Variants in NMBR observed in about 807,000 individuals in gnomAD.
The protein encoded by NMBR is neuromedin-B receptor.
Under a neutral mutation model 20.5 loss-of-function variants are expected in NMBR, and 16 were observed. The observed-to-expected ratio is 0.78, with a 90% CI of 0.53 to 1.19. The LOEUF is 1.19. NMBR is among the 50% of genes most tolerant of loss of function. NMBR has a pLI of 0.00. For synonymous variants in NMBR, 212 were observed against 196.6 expected, an observed-to-expected ratio of 1.08 and a Z score of -0.65; for missense variants, 582 against 499.1, an observed-to-expected ratio of 1.17 and a Z score of -1.58.
At chr6:142,140,151 G>T (rs1191868640) in intron 1 of NMBR, among the ~76,000 whole-genome samples, 1 of 151,696 alleles carries the variant, frequency 6.6e-6, no homozygotes, top group Non-Finnish European at 1.5e-5. Flanking sequence ...ATTAAACAAA[G>T]ATAAACAAAA....
At chr6:142,078,168 C>T (rs1255627461) in intron 3 of NMBR, among the ~76,000 whole-genome samples, 2 of 152,180 alleles carry the variant, frequency 1.3e-5, no homozygotes, top group Non-Finnish European at 2.9e-5. Flanking sequence ...TTCTTCTAGA[C>T]TCCCTGCCAT....
At chr6:142,093,461 G>T (rs1276464909) in intron 1 of NMBR, among the ~76,000 whole-genome samples, 5 of 151,514 alleles carry the variant, frequency 3.3e-5, no homozygotes, top group African/African-American at 9.7e-5. Flanking sequence ...CTTCATCCAT[G>T]TCCCTACAAA....
At chr6:142,080,398 C>T (rs1293397103) in intron 2 of NMBR, among the ~76,000 whole-genome samples, 2 of 149,996 alleles carry the variant, frequency 1.3e-5, no homozygotes, top group African/African-American at 4.9e-5. Flanking sequence ...GCAATCTCCA[C>T]CTCCCAGGTT....
intron 1 of NMBR, chr6:142,133,849 G>T (rs540729574): frequency 1.1e-4 from 77 of 674,974 alleles, no homozygotes; most frequent in African/African-American, 1.1e-3. Context: ...AACCATAACA[G>T]GTTAAACCTC....
chr6:142,095,686 T>C lies in NMBR; in HGVS notation c.-663-6365A>G, dbSNP rs191292324. Reference sequence around the variant, plus strand: ...CCTCATAAAATGAGTTAGGGAGGATTCCCTCTTTTTCTATTGATTGGAATA... The same window carrying C: ...CCTCATAAAATGAGTTAGGGAGGATCCCCTCTTTTTCTATTGATTGGAATA... On this transcript the variant is annotated intron_variant, in intron 1 of 3. Coordinates refer to ENST00000258042, the MANE Select transcript of NMBR (RefSeq NM_002511.4). 8.6e-3 allele frequency among the ~76,000 whole-genome samples: 1,312 copies of C among 152,326 alleles called. 51 individuals are homozygous for C. The highest frequency in any genetic ancestry group is 0.064 in the Admixed American group (973 of 15,296).
intron 1 of NMBR, among the ~76,000 whole-genome samples, chr6:142,118,003 G>A (rs1777881873): frequency 6.6e-6 from 1 of 151,864 alleles, no homozygotes; most frequent in South Asian, 2.1e-4. Flanking sequence ...TTCTGAGTTT[G>A]ACTCTTGTTA....
chr6:142,112,087 G>C (rs888424336), intron 1 of NMBR, among the ~76,000 whole-genome samples: 3 of 152,162 alleles, frequency 2.0e-5, no homozygotes, highest in African/African-American at 4.8e-5. Context: ...CCAACATTTT[G>C]GGAGGCTGTC....
rs1395622817 is a variant in NMBR, at chr6:142,088,287, G to A, written c.372C>T (p.Leu124=). The A allele has an allele frequency of 3.1e-6, 5 of 1,613,770 alleles. No individual in the cohort carries two copies. The Admixed American group carries it at 5.0e-5, about 16-fold the overall frequency. The change falls in exon 2 of 4, where the codon CTC becomes CTT. Residue 124 remains leucine, a synonymous_variant. Coordinates refer to ENST00000258042, the MANE Select transcript of NMBR (RefSeq NM_002511.4). ...VGCKLIPVIQ[L]TSVGVSVFTL... is the part of the protein sequence containing the mutation. Reference sequence around the variant, plus strand: ...TGAACACGGAAACCCCCACGGAAGTGAGCTGGATGACAGGGATCAGTTTGC... The same window carrying A: ...TGAACACGGAAACCCCCACGGAAGTAAGCTGGATGACAGGGATCAGTTTGC...
chr6:142,091,779 T>C (rs554644645), intron 1 of NMBR, among the ~76,000 whole-genome samples: 18 of 152,342 alleles, frequency 1.2e-4, no homozygotes, highest in African/African-American at 4.3e-4. Context: ...GTGATTTCTA[T>C]ATAAATGAAG....
chr6:142,115,093 A>G (rs75889286), intron 1 of NMBR, among the ~76,000 whole-genome samples: 7,873 of 152,180 alleles, frequency 0.052, 274 homozygotes, highest in Admixed American at 0.079. Flanking sequence ...GTGTGCCTTC[A>G]GGACTTTCTG....
intron 1 of NMBR, among the ~76,000 whole-genome samples, chr6:142,100,385 T>C (rs371354928): frequency 2.0e-5 from 3 of 152,164 alleles, no homozygotes; most frequent in South Asian, 4.2e-4. Context: ...CTAAGAAAAA[T>C]GAGATATCCA....
chr6:142,081,673 A>G (rs1289266123), intron 2 of NMBR, among the ~76,000 whole-genome samples: 1 of 152,238 alleles, frequency 6.6e-6, no homozygotes, highest in Non-Finnish European at 1.5e-5. Flanking sequence ...GAAAGGATAA[A>G]AAGCAAAAAA....
intron 1 of NMBR, among the ~76,000 whole-genome samples, chr6:142,125,964 T>C (rs553046147): frequency 6.6e-6 from 1 of 151,826 alleles, no homozygotes; most frequent in South Asian, 2.1e-4. Context: ...TGTTAAACTA[T>C]AGTCACATTG....
intron 2 of NMBR, among the ~76,000 whole-genome samples, chr6:142,079,126 G>GAAAGAAAGAAAGAAAGAAAAGA (rs11451074): frequency 9.7e-6 from 1 of 103,278 alleles, no homozygotes; most frequent in African/African-American, 4.5e-5. Context: ...AAGAAAGAAA[G>GAAAGAAAGAAAGAAAGAAAAGA]AAGAAAGAAA....
At chr6:142,086,738 A>T (rs1368476763) in intron 2 of NMBR, among the ~76,000 whole-genome samples, 2 of 152,190 alleles carry the variant, frequency 1.3e-5, no homozygotes, top group Non-Finnish European at 2.9e-5. Flanking sequence ...GATCTAGGCC[A>T]GGGCAAATTT....
chr6:142,086,603 G>A (rs1777205667), intron 2 of NMBR, among the ~76,000 whole-genome samples: 1 of 152,050 alleles, frequency 6.6e-6, no homozygotes, highest in Admixed American at 6.6e-5. Context: ...TACGGACCAA[G>A]TAGAAGAGGC....
At chr6:142,146,765 A>G (rs1218486253) in intron 1 of NMBR, among the ~76,000 whole-genome samples, 1 of 152,212 alleles carries the variant, frequency 6.6e-6, no homozygotes, top group Non-Finnish European at 1.5e-5. Flanking sequence ...GAAAAATTTA[A>G]TTTACAATTT....
At chr6:142,110,423 T>C (rs1777742065) in intron 1 of NMBR, among the ~76,000 whole-genome samples, 1 of 152,222 alleles carries the variant, frequency 6.6e-6, no homozygotes, top group South Asian at 2.1e-4. Flanking sequence ...AATATGGATG[T>C]ATCTTGAGAG....
intron 1 of NMBR, chr6:142,134,635 A>G (rs540103089): frequency 1.3e-5 from 9 of 690,162 alleles, no homozygotes; most frequent in Middle Eastern, 4.6e-4. Flanking sequence ...TCAAAAGCCT[A>G]TCTACACTAT....
Sources: gnomAD v4.1 joint callset for allele counts (sites outside exome capture counted in the v4.1 genomes callset) on GRCh38, gnomAD v4.1.1 for gene constraint, MANE v1.5 for transcripts, NCBI Gene and HGNC (gene_info 2026-07-23, HGNC 2026-07-21) for gene names.